Variants in SLCO3A1 observed in about 807,000 individuals in gnomAD.
SLCO3A1 encodes PGE1 transporter.
SLCO3A1 carries 27 observed loss-of-function variants against 63.1 expected under a neutral mutation model. That is an observed-to-expected ratio of 0.43 (90% CI 0.32 to 0.59). SLCO3A1 has a LOEUF of 0.59. SLCO3A1 is among the 20% of genes least tolerant of loss of function. The pLI is 0.09. For missense variants in SLCO3A1, 773 were observed against 945.8 expected (o/e 0.82, Z 2.40); for synonymous variants, 473 against 409.9 (o/e 1.15, Z -1.86).
intron 1 of SLCO3A1, chr15:91,889,156 G>A (rs1897805976): frequency 7.8e-7 from 1 of 1,286,204 alleles, no homozygotes; most frequent in Admixed American, 2.3e-5. Flanking sequence ...AACTCTTATT[G>A]TTCCTTGACT....
rs1896991591 is a variant in SLCO3A1 at position 91,859,101 on chromosome 15, T to C, written c.180+5013T>C. On this transcript the variant is annotated intron_variant, in intron 1 of 9. Transcript: ENST00000318445. This position sits in a 1 kb window ranked among gnomAD's most constrained non-coding sequence, Gnocchi z 5.1. ...TTGCCGCATGCATTGCATATTTACATACGTGTTTGTGTACAGCGTTGCATA... is the reference window on the plus strand; with the variant it reads ...TTGCCGCATGCATTGCATATTTACACACGTGTTTGTGTACAGCGTTGCATA... Among the ~76,000 whole-genome samples, 1 of 152,260 alleles carries C rather than the reference T, an allele frequency of 6.6e-6. No individual in the cohort carries two copies. The highest frequency in any genetic ancestry group is 1.5e-5 in the Non-Finnish European group (1 of 68,046).
chr15:91,896,737 T>TTTATTAG (rs1489080946), intron 1 of SLCO3A1, among the ~76,000 whole-genome samples: 1 of 152,252 alleles, frequency 6.6e-6, no homozygotes, highest in East Asian at 1.9e-4. Context: ...TTACCCAGTC[T>TTTATTAG]CAGGTATGTC....
chr15:91,989,386 T>G (rs2046096875), intron 2 of SLCO3A1, among the ~76,000 whole-genome samples: 1 of 152,238 alleles, frequency 6.6e-6, no homozygotes, highest in African/African-American at 2.4e-5. Context: ...TTCTGCAGTT[T>G]TGTGGCCCCC....
chr15:91,984,642 T>C (rs2046028003), intron 2 of SLCO3A1, among the ~76,000 whole-genome samples: 1 of 152,174 alleles, frequency 6.6e-6, no homozygotes. Flanking sequence ...AAATAAACAG[T>C]ATTGTAAAAT....
At chr15:92,013,456 G>A (rs1470091965) in intron 2 of SLCO3A1, among the ~76,000 whole-genome samples, 2 of 152,148 alleles carry the variant, frequency 1.3e-5, no homozygotes, top group Non-Finnish European at 2.9e-5. Flanking sequence ...TTGGATAGTG[G>A]TGACCCCTTT....
At chr15:92,171,919 C>T (rs1166105419) in exon 11 of SLCO3A1, 26 of 1,338,928 alleles carry the variant, frequency 1.9e-5, no homozygotes, top group African/African-American at 1.5e-4. Flanking sequence ...CCACAGACCT[C>T]GCGGGCCTCA....
At chr15:92,093,887 C>T (rs555188906) in intron 2 of SLCO3A1, among the ~76,000 whole-genome samples, 1 of 152,248 alleles carries the variant, frequency 6.6e-6, no homozygotes, top group South Asian at 2.1e-4. Context: ...ATCTCTCACC[C>T]TGCTCTCCAG....
intron 1 of SLCO3A1, among the ~76,000 whole-genome samples, chr15:91,876,388 G>A (rs1002083824): frequency 5.3e-5 from 8 of 152,180 alleles, no homozygotes; most frequent in African/African-American, 1.9e-4. Flanking sequence ...TGTTAAAAGG[G>A]CACCAACGCA....
chr15:92,151,074 AC>A, intron 9 of SLCO3A1, 60 bp downstream of exon 9: 1 of 1,125,332 alleles, frequency 8.9e-7, no homozygotes, highest in South Asian at 1.3e-5. Flanking sequence ...TAGGTGAGTA[AC>A]TGTCAGTCAA....
At chr15:92,121,276 A>G (rs73540479) in intron 5 of SLCO3A1, among the ~76,000 whole-genome samples, 3,303 of 152,344 alleles carry the variant, frequency 0.022, 123 homozygotes, top group African/African-American at 0.076. Context: ...TTTTGTGACA[A>G]TATATCATCC....
At position 92,006,827 on chromosome 15, in the gene SLCO3A1, G is replaced by T. The variant is rs544839079; in HGVS notation, c.647-88054G>T. ...GCTTCTTCATTAAGCTACCACTCCAGTCCAGAAAGGGAGTTCCCCTCTAGG... is the reference window on the plus strand; with the variant it reads ...GCTTCTTCATTAAGCTACCACTCCATTCCAGAAAGGGAGTTCCCCTCTAGG... On this transcript the variant is annotated intron_variant, in intron 2 of 9. Coordinates refer to ENST00000318445, the MANE Select transcript of SLCO3A1 (RefSeq NM_013272.4). 2.6e-5 allele frequency among the ~76,000 whole-genome samples: 4 copies of T among 152,320 alleles called. No individual in the cohort carries two copies. The East Asian group carries it at 7.7e-4, about 29-fold the overall frequency.
At chr15:92,137,176 A>G (rs1215614242) in intron 7 of SLCO3A1, among the ~76,000 whole-genome samples, 2 of 123,954 alleles carry the variant, frequency 1.6e-5, no homozygotes, top group Non-Finnish European at 1.6e-5. Context: ...TCCTGTGTCC[A>G]TGTGATCTCA....
intron 2 of SLCO3A1, among the ~76,000 whole-genome samples, chr15:92,089,765 C>G (rs905761632): frequency 6.6e-6 from 1 of 152,126 alleles, no homozygotes; most frequent in Non-Finnish European, 1.5e-5. Context: ...TGCTGGAGGT[C>G]GTTTTCTTAA....
In SLCO3A1 at chr15:91,894,918, G is replaced by C. The variant is rs1567174810; in HGVS notation, c.181-21075G>C. ...GCAAGAACTCTCAAGAATCAAGGTT[G>C]AGTCTGTTGTTCCTAATCCATACCT... On this transcript the variant is annotated intron_variant, in intron 1 of 9. Coordinates refer to ENST00000318445, the MANE Select transcript of SLCO3A1 (RefSeq NM_013272.4). This position sits in a 1 kb window ranked among gnomAD's most constrained non-coding sequence, Gnocchi z 4.8. Among the ~76,000 whole-genome samples the C allele has an allele frequency of 6.6e-6, 1 of 152,206 alleles. No homozygotes were observed.
Position 91,948,295 on chromosome 15 carries a change from C to T in SLCO3A1, c.646+31837C>T, listed in dbSNP as rs190943285. 3.3e-5 allele frequency among the ~76,000 whole-genome samples: 5 copies of T among 152,182 alleles called. No homozygotes were observed. The highest frequency in any genetic ancestry group is 6.5e-5 in the Admixed American group (1 of 15,284). On this transcript the variant is annotated intron_variant, in intron 2 of 9. Coordinates refer to ENST00000318445, the MANE Select transcript of SLCO3A1 (RefSeq NM_013272.4). This position sits in a 1 kb window ranked among gnomAD's most constrained non-coding sequence, Gnocchi z 4.8. ...CACAGTGGGCTCAAATGTGACCCTG[C>T]GTAGTGCTCCTGGGAGGTGCATTTG...
intron 2 of SLCO3A1, among the ~76,000 whole-genome samples, chr15:91,982,896 A>G (rs1441110862): frequency 6.6e-6 from 1 of 152,344 alleles, no homozygotes; most frequent in East Asian, 1.9e-4. Flanking sequence ...CAAGGGGATC[A>G]GGACCCTCTC....
chr15:91,923,821 G>A (rs544820455), intron 2 of SLCO3A1, among the ~76,000 whole-genome samples: 16 of 152,252 alleles, frequency 1.1e-4, no homozygotes, highest in African/African-American at 3.6e-4. Context: ...TTATCAGTTG[G>A]CATATTATAA....
At chr15:92,078,598 G>C (rs12593677) in intron 2 of SLCO3A1, among the ~76,000 whole-genome samples, 9,382 of 152,194 alleles carry the variant, frequency 0.062, 715 homozygotes, top group East Asian at 0.27. Context: ...TGCCCAGGCT[G>C]TTCCTGCTTT....
At chr15:92,027,105 A>AGG in intron 2 of SLCO3A1, among the ~76,000 whole-genome samples, 1 of 142,560 alleles carries the variant, frequency 7.0e-6, no homozygotes, top group Non-Finnish European at 1.5e-5. Flanking sequence ...AAAAAAAAAA[A>AGG]GGGGGGGTAC....
Sources: allele counts gnomAD v4.1 joint callset (sites outside exome capture counted in the v4.1 genomes callset), GRCh38; gene constraint gnomAD v4.1.1; non-coding constraint Gnocchi (gnomAD v3.1); transcripts MANE v1.5; gene names NCBI Gene and HGNC (gene_info 2026-07-23, HGNC 2026-07-21).